The following PCDH15 variants were observed in gnomAD, a reference collection of about 807,000 sequenced individuals.
PCDH15 encodes protocadherin related 15.
A neutral mutation model predicts 178.5 loss-of-function variants in PCDH15; 129 were observed. The observed-to-expected ratio is 0.72, with a 90% confidence interval of 0.63 to 0.84. The LOEUF (loss-of-function observed/expected upper bound fraction) is 0.84. Among genes scored for constraint, PCDH15 ranks in the 40% least tolerant of loss-of-function variants. The probability of loss-of-function intolerance (pLI) is 0.00; values close to 1 mark genes in which losing one functional copy is unlikely to be tolerated. For synonymous variants in PCDH15, 800 were observed against 732.0 expected, an observed-to-expected ratio of 1.09 and a Z score of -1.50; for missense variants, 2,230 against 2,099.9, an observed-to-expected ratio of 1.06 and a Z score of -1.21.
intron 2 of PCDH15, among the ~76,000 whole-genome samples, chr10:54,600,862 A>G (rs555817487): frequency 6.6e-6 from 1 of 152,082 alleles, no homozygotes; most frequent in South Asian, 2.1e-4. Context: ...TGGGGGATTC[A>G]AATGCATGAT....
rs975974583 is a variant in PCDH15, at chr10:54,528,296, T to C, written c.92-419A>G. On this transcript the variant is annotated intron_variant, in intron 2 of 37. Coordinates refer to ENST00000644397, the MANE Select transcript of PCDH15 (RefSeq NM_001384140.1). ...AAAGGGTCTAATTAGAGAGAGTGAA[T>C]AGAATTTTAATAATGTTCTAAAGAG... 9.5e-6 allele frequency: 12 copies of C among 1,261,178 alleles called. No individual in the cohort carries two copies. In the African/African-American group the frequency reaches 1.3e-4, roughly 14 times the overall value. The allele number at this position is 1,261,178 out of a possible 1,614,324, so 78.1% of individuals were successfully genotyped here.
chr10:55,415,951 G>T (rs376334762), intron 2 of PCDH15, among the ~76,000 whole-genome samples: 1 of 150,930 alleles, frequency 6.6e-6, no homozygotes, highest in Non-Finnish European at 1.5e-5. Context: ...ATTTGCTTTT[G>T]TCGATAGCAA....
At chr10:54,505,638 G>A (rs2081102254) in intron 3 of PCDH15, among the ~76,000 whole-genome samples, 1 of 152,006 alleles carries the variant, frequency 6.6e-6, no homozygotes, top group Non-Finnish European at 1.5e-5. Flanking sequence ...ACACACTGGG[G>A]CCTGTCGGGG....
chr10:54,021,716 G>A (rs1340061230), intron 19 of PCDH15, among the ~76,000 whole-genome samples: 1 of 151,774 alleles, frequency 6.6e-6, no homozygotes, highest in South Asian at 2.1e-4. Flanking sequence ...CTATTACCTA[G>A]GCCCTTTGTA....
At chr10:55,370,205 A>T (rs947175578) in intron 2 of PCDH15, among the ~76,000 whole-genome samples, 2 of 152,058 alleles carry the variant, frequency 1.3e-5, no homozygotes, top group Non-Finnish European at 2.9e-5. Flanking sequence ...ATAATCACTA[A>T]ATGACAAAGA....
intron 1 of PCDH15, among the ~76,000 whole-genome samples, chr10:55,290,552 CCTGACCACTTT>C (rs1341148902): frequency 1.3e-5 from 2 of 151,952 alleles, no homozygotes; most frequent in Non-Finnish European, 2.9e-5. Context: ...AGAGCATTTC[CCTGACCACTTT>C]CTGTATCCAA....
At chr10:55,373,721 C>T (rs1439136898) in intron 2 of PCDH15, among the ~76,000 whole-genome samples, 4 of 152,048 alleles carry the variant, frequency 2.6e-5, no homozygotes, top group Admixed American at 6.6e-5. Flanking sequence ...CACCCAACTA[C>T]GTAAGAATGA....
chr10:55,044,108 T>C (rs1409020592), intron 2 of PCDH15, among the ~76,000 whole-genome samples: 1 of 152,132 alleles, frequency 6.6e-6, no homozygotes, highest in African/African-American at 2.4e-5. Context: ...GTGATGGAGA[T>C]ATGAAAGGAC....
intron 2 of PCDH15, among the ~76,000 whole-genome samples, chr10:54,617,922 CAAAAA>C (rs3071002): frequency 8.0e-6 from 1 of 125,086 alleles, no homozygotes; most frequent in Non-Finnish European, 1.7e-5. Flanking sequence ...GACTCCATTT[CAAAAA>C]AAAAAAAAAA....
chr10:55,352,349 A>T (rs1258837631), intron 2 of PCDH15, among the ~76,000 whole-genome samples: 3 of 152,182 alleles, frequency 2.0e-5, no homozygotes, highest in Non-Finnish European at 4.4e-5. Context: ...GTAAAGCAGC[A>T]GAGACAACTT....
intron 3 of PCDH15, among the ~76,000 whole-genome samples, chr10:54,855,760 G>T (rs1214540126): frequency 6.6e-6 from 1 of 152,186 alleles, no homozygotes; most frequent in Non-Finnish European, 1.5e-5. Flanking sequence ...ACATTAATGT[G>T]AATTTTTAAC....
At chr10:54,522,701 A>G (rs2083001105) in intron 3 of PCDH15, among the ~76,000 whole-genome samples, 1 of 152,182 alleles carries the variant, frequency 6.6e-6, no homozygotes, top group Non-Finnish European at 1.5e-5. Flanking sequence ...CACACAATAT[A>G]GAGTGTCAAT....
At chr10:54,243,677 CATAAAT>C (rs1488500096) in intron 8 of PCDH15, among the ~76,000 whole-genome samples, 1 of 152,068 alleles carries the variant, frequency 6.6e-6, no homozygotes, top group African/African-American at 2.4e-5. Context: ...TTCATATAGA[CATAAAT>C]ACAATTATAT....
intron 13 of PCDH15, among the ~76,000 whole-genome samples, chr10:54,169,311 G>A (rs367898607): frequency 3.1e-4 from 23 of 73,166 alleles, no homozygotes; most frequent in Non-Finnish European, 3.9e-4. Context: ...AGGTAAGCCC[G>A]TCCCCTTCTT....
chr10:54,214,415 C>T (rs2051778899), intron 9 of PCDH15, among the ~76,000 whole-genome samples: 1 of 151,962 alleles, frequency 6.6e-6, no homozygotes, highest in South Asian at 2.1e-4. Context: ...GGTCTTTCAA[C>T]ATATATTGTA....
intron 1 of PCDH15, among the ~76,000 whole-genome samples, chr10:54,699,417 C>A (rs533349201): frequency 2.0e-5 from 3 of 152,202 alleles, no homozygotes; most frequent in Non-Finnish European, 4.4e-5. Flanking sequence ...TCTTAAGTGA[C>A]TCTATCAAGA....
Position 54,605,619 on chromosome 10 carries a change from A to T in PCDH15, c.91+58553T>A, listed in dbSNP as rs76809271. Reference sequence around the variant, plus strand: ...TCATCATTGCCCTGAAACAGGTGAGATACTGATCCTTTTTAGTAGTAACCA... The same window carrying T: ...TCATCATTGCCCTGAAACAGGTGAGTTACTGATCCTTTTTAGTAGTAACCA... On this transcript the variant is annotated intron_variant, in intron 2 of 37. Transcript: ENST00000644397. 1,021 of 152,188 alleles carry T rather than the reference A, an allele frequency of 6.7e-3. 26 individuals are homozygous for T. The East Asian group carries it at 0.085, about 13-fold the overall frequency. 9.4% of individuals were successfully genotyped at this position (152,188 alleles called of 1,614,324 possible).
chr10:55,493,256 T>TAA (rs879382986), intron 2 of PCDH15, among the ~76,000 whole-genome samples: 1 of 141,096 alleles, frequency 7.1e-6, no homozygotes, highest in Non-Finnish European at 1.6e-5. Context: ...GTCATATTGT[T>TAA]AAAAAAAAAA....
chr10:54,760,411 A>G (rs576130554), intron 1 of PCDH15, among the ~76,000 whole-genome samples: 2 of 152,246 alleles, frequency 1.3e-5, no homozygotes, highest in Non-Finnish European at 1.5e-5. Context: ...TGTGAGGAAC[A>G]TCTCCTCCCA....
Sources: allele counts gnomAD v4.1 joint callset (sites outside exome capture counted in the v4.1 genomes callset), GRCh38; gene constraint gnomAD v4.1.1; transcripts MANE v1.5; gene names NCBI Gene and HGNC (gene_info 2026-07-23, HGNC 2026-07-21).